Variants in C13orf42 observed in about 807,000 individuals in gnomAD.
C13orf42 encodes uncharacterized protein C13orf42.
At chr13:51,159,401 T>C (rs186383148) in intron 1 of C13orf42, among the ~76,000 whole-genome samples, 5 of 152,304 alleles carry the variant, frequency 3.3e-5, no homozygotes, top group Admixed American at 6.5e-5. Flanking sequence ...AAGAGGCTGA[T>C]CAAGAGCAGT....
intron 1 of C13orf42, among the ~76,000 whole-genome samples, chr13:51,107,678 C>A (rs1326623027): frequency 6.6e-6 from 1 of 152,180 alleles, no homozygotes; most frequent in Non-Finnish European, 1.5e-5. Flanking sequence ...CAAAAGACAT[C>A]AGACTTTTAA....
intron 1 of C13orf42, among the ~76,000 whole-genome samples, chr13:51,119,135 G>C (rs1049366121): frequency 6.6e-6 from 1 of 151,996 alleles, no homozygotes; most frequent in African/African-American, 2.4e-5. Flanking sequence ...GCATGCCCAG[G>C]TGTACAGTAT....
intron 1 of C13orf42, among the ~76,000 whole-genome samples, chr13:51,168,062 T>C (rs1019365400): frequency 2.0e-5 from 3 of 152,164 alleles, no homozygotes; most frequent in Non-Finnish European, 4.4e-5. Context: ...CCTGATAGAC[T>C]CTCCAGAGTT....
At chr13:51,112,142 C>A, upstream of C13orf42, among the ~76,000 whole-genome samples, 1 of 152,324 alleles carries the variant, frequency 6.6e-6, no homozygotes, top group Non-Finnish European at 1.5e-5. Context: ...TTTTCTCAGG[C>A]AGATGCTAAA....
At chr13:51,101,908 G>C (rs1953296998) in intron 1 of C13orf42, among the ~76,000 whole-genome samples, 1 of 151,988 alleles carries the variant, frequency 6.6e-6, no homozygotes. Context: ...GTGTGGGGGA[G>C]AGAAAAAAGG....
intron 1 of C13orf42, among the ~76,000 whole-genome samples, chr13:51,158,768 C>T (rs115383995): frequency 0.011 from 1,664 of 152,322 alleles, 29 homozygotes; most frequent in African/African-American, 0.037. Context: ...GTTTTCCACC[C>T]CACTGGTTGT....
chr13:51,120,985 G>A (rs958866505), intron 1 of C13orf42, among the ~76,000 whole-genome samples: 1 of 152,228 alleles, frequency 6.6e-6, no homozygotes, highest in African/African-American at 2.4e-5. Context: ...CTGCACTCCA[G>A]TCTGGGCGAC....
At chr13:51,154,520 C>T (rs1953810175) in intron 1 of C13orf42, among the ~76,000 whole-genome samples, 1 of 152,150 alleles carries the variant, frequency 6.6e-6, no homozygotes, top group Non-Finnish European at 1.5e-5. Context: ...GAACTAAGGA[C>T]TAAAGACTTT....
rs1420240072 is a variant in C13orf42 at position 51,111,079 on chromosome 13, TC to T, written c.130del (p.Asp44ThrfsTer10). 2.5e-6 allele frequency: 1 copy of T among 398,508 alleles called. No homozygotes were observed. Among genetic ancestry groups the T allele is most frequent in the Non-Finnish European group, 4.4e-6 (1 of 226,108 alleles). 24.7% of individuals were successfully genotyped at this position (398,508 alleles called of 1,614,324 possible). ...GGACTCGCTGAATTTCTCCCCGTGGTCCCCGACCACATACATGGAACTGCTT... is the reference window on the plus strand; with the variant it reads ...GGACTCGCTGAATTTCTCCCCGTGGTCCCGACCACATACATGGAACTGCTT... Reference protein sequence around the residue: ...IRSSSMYVVGDHGEKFSESLK... With the variant: ...IRSSSMYVVGXHGEKFSESLK... On this transcript the variant is annotated frameshift_variant, in exon 1 of 4. Transcript: ENST00000563710. LOFTEE classifies it high-confidence loss of function.
At chr13:51,147,665 G>T (rs1566139088) in intron 1 of C13orf42, among the ~76,000 whole-genome samples, 1 of 151,798 alleles carries the variant, frequency 6.6e-6, no homozygotes, top group Non-Finnish European at 1.5e-5. Context: ...GGAGGCAGAG[G>T]TTGCAGTGAG....
chr13:51,092,101 T>C (rs2137980513), intron 1 of C13orf42, among the ~76,000 whole-genome samples: 1 of 152,286 alleles, frequency 6.6e-6, no homozygotes, highest in African/African-American at 2.4e-5. Context: ...CATCCTGGCA[T>C]GCTCAGGAAT....
At chr13:51,098,723 C>A (rs1035051868) in intron 1 of C13orf42, among the ~76,000 whole-genome samples, 6 of 152,082 alleles carry the variant, frequency 3.9e-5, no homozygotes, top group African/African-American at 1.2e-4. Flanking sequence ...CAAGGCACCT[C>A]AACACACCAG....
intron 1 of C13orf42, among the ~76,000 whole-genome samples, chr13:51,107,370 G>A (rs1277481751): frequency 1.3e-5 from 2 of 152,232 alleles, no homozygotes; most frequent in African/African-American, 4.8e-5. Context: ...TGCTAAGCAA[G>A]GAACAGGAGT....
intron 1 of C13orf42, among the ~76,000 whole-genome samples, chr13:51,171,049 T>C (rs1294194090): frequency 6.6e-6 from 1 of 152,010 alleles, no homozygotes; most frequent in Non-Finnish European, 1.5e-5. Flanking sequence ...ACCCCTTCTC[T>C]GCTTTTCTGG....
chr13:51,123,368 A>G (rs1341665880), intron 1 of C13orf42, among the ~76,000 whole-genome samples: 3 of 152,240 alleles, frequency 2.0e-5, no homozygotes, highest in Admixed American at 6.5e-5. Flanking sequence ...TGATCATGGC[A>G]GGGGGAAGAC....
intron 1 of C13orf42, among the ~76,000 whole-genome samples, chr13:51,167,964 C>T (rs539245881): frequency 7.9e-5 from 12 of 152,316 alleles, no homozygotes; most frequent in African/African-American, 2.9e-4. Context: ...CCAGCTGCTG[C>T]CTCTCAGTGT....
At chr13:51,096,052 G>C (rs924654586) in intron 1 of C13orf42, among the ~76,000 whole-genome samples, 5 of 152,034 alleles carry the variant, frequency 3.3e-5, no homozygotes, top group Admixed American at 3.3e-4. Flanking sequence ...ATTTTAGCTG[G>C]GACTGGGACT....
At chr13:51,105,884 A>T (rs940818258) in intron 1 of C13orf42, among the ~76,000 whole-genome samples, 1 of 152,212 alleles carries the variant, frequency 6.6e-6, no homozygotes, top group Admixed American at 6.5e-5. Flanking sequence ...AAGCTAATTC[A>T]GCTACACAGA....
intron 1 of C13orf42, among the ~76,000 whole-genome samples, chr13:51,158,166 A>T (rs562152590): frequency 7.2e-5 from 11 of 152,308 alleles, no homozygotes; most frequent in African/African-American, 2.6e-4. Context: ...ATTGCCAAAC[A>T]TCCCACAATA....
Sources: allele counts gnomAD v4.1 joint callset (sites outside exome capture counted in the v4.1 genomes callset), GRCh38; gene constraint gnomAD v4.1.1; transcripts MANE v1.5; gene names NCBI Gene and HGNC (gene_info 2026-07-23, HGNC 2026-07-21).